MORC3: variants seen among roughly 807,000 people sequenced by gnomAD.
MORC3 encodes the protein MORC family CW-type zinc finger 3.
A neutral mutation model predicts 109.1 loss-of-function variants in MORC3; 31 were observed. The ratio of observed to expected loss-of-function variants is 0.28; its 90% CI spans 0.21 to 0.38. MORC3 has a LOEUF of 0.38. Among genes scored for constraint, MORC3 ranks in the 10% least tolerant of loss-of-function variants. MORC3 has a pLI of 1.00. For synonymous variants in MORC3, 395 were observed against 380.7 expected, an observed-to-expected ratio of 1.04 and a Z score of -0.44; for missense variants, 867 against 1,135.8, an observed-to-expected ratio of 0.76 and a Z score of 3.40.
At chr21:36,354,784 T>C (rs1467879854) in intron 9 of MORC3, among the ~76,000 whole-genome samples, 1 of 152,240 alleles carries the variant, frequency 6.6e-6, no homozygotes, top group African/African-American at 2.4e-5. Context: ...GCACTGCTTC[T>C]TCTGTCTTCT....
chr21:36,320,470 T>C, intron 1 of MORC3, 167 bp downstream of exon 1: 1 of 578,934 alleles, frequency 1.7e-6, no homozygotes, highest in Non-Finnish European at 2.5e-6. Flanking sequence ...GCGGAACAGC[T>C]CGGCTGCGGG....
intron 6 of MORC3, 50 bp from the exon 7 acceptor site, chr21:36,344,529 A>G (rs920050457): frequency 3.2e-6 from 5 of 1,581,098 alleles, no homozygotes; most frequent in Non-Finnish European, 3.4e-6. Context: ...ATGTCTAAGT[A>G]ATGGTGAGCA....
At chr21:36,370,168 AC>A (rs775786427) in intron 15 of MORC3, among the ~76,000 whole-genome samples, 16 of 152,164 alleles carry the variant, frequency 1.1e-4, no homozygotes, top group Non-Finnish European at 2.1e-4. Flanking sequence ...AGATTGCACC[AC>A]CACATTCCAG....
At chr21:36,364,406 T>C (rs2085754821) in intron 14 of MORC3, 147 bp downstream of exon 14, 1 of 933,710 alleles carries the variant, frequency 1.1e-6, no homozygotes, top group Non-Finnish European at 1.6e-6. Context: ...CAGGACAAAT[T>C]GTCTTGCTTT....
intron 1 of MORC3, among the ~76,000 whole-genome samples, chr21:36,333,187 G>A (rs1387721173): frequency 6.6e-6 from 1 of 152,168 alleles, no homozygotes; most frequent in East Asian, 1.9e-4. Flanking sequence ...AAATAATGAA[G>A]TCACAGTGCC....
intron 9 of MORC3, among the ~76,000 whole-genome samples, chr21:36,352,221 C>T (rs565066095): frequency 1.3e-5 from 2 of 152,192 alleles, no homozygotes; most frequent in Non-Finnish European, 2.9e-5. Context: ...GGAACACCTA[C>T]AAAAACTGTG....
In MORC3 at chr21:36,369,236, G is replaced by A; in HGVS notation, c.1868G>A (p.Gly623Asp). 6.2e-7 allele frequency: 1 copy of A among 1,614,142 alleles called. No homozygotes were observed. The highest frequency in any genetic ancestry group is 8.5e-7 in the Non-Finnish European group (1 of 1,180,040). ...VGDSEPCGQTGSTSTSSSRCD... is the reference protein window; with the variant it reads ...VGDSEPCGQTDSTSTSSSRCD... ...GACAGTGAACCTTGTGGCCAGACTG[G>A]TTCAACAAGCACCTCATCATCCCGA... is the stretch of plus-strand genomic sequence containing the variant. The change falls in exon 15 of 17, where the codon GGT (glycine) becomes GAT (aspartate). Residue 623 changes from glycine to aspartate, a missense_variant. Transcript: ENST00000400485.
chr21:36,328,799 CT>C (rs1201329155), intron 1 of MORC3, among the ~76,000 whole-genome samples: 6 of 151,166 alleles, frequency 4.0e-5, no homozygotes, highest in Non-Finnish European at 8.8e-5. Context: ...TACATTGTAT[CT>C]TTTAGCTTCC....
chr21:36,336,869 C>T lies in MORC3; in HGVS notation c.113-5C>T. 1 of 1,592,404 alleles carries T rather than the reference C, an allele frequency of 6.3e-7. No individual in the cohort carries two copies. Among genetic ancestry groups the T allele is most frequent in the Non-Finnish European group, 8.5e-7 (1 of 1,169,784 alleles). On this transcript the variant is annotated splice_region_variant and splice_polypyrimidine_tract_variant and intron_variant, in intron 2 of 16. Coordinates refer to ENST00000400485, the MANE Select transcript of MORC3 (RefSeq NM_015358.3). ...TCAGAATTTCTTCAAACTTGTGTTT[C>T]CCAGATAATGCTTATGATCCTGATG...
At chr21:36,347,007 TA>T (rs754081259) in intron 8 of MORC3, among the ~76,000 whole-genome samples, 10,923 of 113,646 alleles carry the variant, frequency 0.096, 859 homozygotes, top group African/African-American at 0.25. Context: ...CCCTGTCTCT[TA>T]AAAAAAAAAA....
intron 1 of MORC3, among the ~76,000 whole-genome samples, chr21:36,325,664 A>C (rs1285095527): frequency 6.6e-6 from 1 of 152,214 alleles, no homozygotes; most frequent in Non-Finnish European, 1.5e-5. Flanking sequence ...TGACTACGGT[A>C]GTCCCCCCTT....
intron 9 of MORC3, among the ~76,000 whole-genome samples, chr21:36,354,039 C>T (rs2085611020): frequency 6.6e-6 from 1 of 150,972 alleles, no homozygotes; most frequent in Non-Finnish European, 1.5e-5. Context: ...CCATTGCACC[C>T]TAGACTGGGT....
At chr21:36,363,717 C>T (rs1403691193) in intron 13 of MORC3, among the ~76,000 whole-genome samples, 1 of 152,180 alleles carries the variant, frequency 6.6e-6, no homozygotes, top group Non-Finnish European at 1.5e-5. Context: ...AATCAGGGGC[C>T]ATCTGAATGC....
intron 6 of MORC3, among the ~76,000 whole-genome samples, 188 bp downstream of exon 6, chr21:36,341,734 A>C (rs929318543): frequency 6.6e-6 from 1 of 152,124 alleles, no homozygotes; most frequent in African/African-American, 2.4e-5. Flanking sequence ...CACACACACA[A>C]ATTTAGTTAA....
chr21:36,363,934 G>T (rs542829324), intron 13 of MORC3, among the ~76,000 whole-genome samples, 159 bp from the exon 14 acceptor site: 1 of 152,270 alleles, frequency 6.6e-6, no homozygotes, highest in African/African-American at 2.4e-5. Context: ...TAGTTCATTG[G>T]TTTACTTGTT....
At chr21:36,361,855 C>G in intron 12 of MORC3, 1 of 271,664 alleles carries the variant, frequency 3.7e-6, no homozygotes. Context: ...TCACTGCACT[C>G]CATCCTGGGC....
intron 15 of MORC3, among the ~76,000 whole-genome samples, chr21:36,370,637 ATATTTTTTTTTTTTTT>A (rs2085851250): frequency 4.9e-4 from 14 of 28,676 alleles, no homozygotes; most frequent in East Asian, 1.6e-3. Flanking sequence ...ATATATATAT[ATATTTTTTTTTTTTTT>A]TTTTTTTTTT....
chr21:36,321,262 C>T (rs1273115369), intron 1 of MORC3, among the ~76,000 whole-genome samples: 1 of 152,150 alleles, frequency 6.6e-6, no homozygotes, highest in Non-Finnish European at 1.5e-5. Flanking sequence ...TTTTTCTAGT[C>T]CGATATTTGT....
At chr21:36,349,539 T>TG in intron 9 of MORC3, 131 bp downstream of exon 9, 1 of 522,936 alleles carries the variant, frequency 1.9e-6, no homozygotes, top group South Asian at 3.7e-5. Flanking sequence ...ATACTACTTG[T>TG]GATGGTGTAG....
Sources: gnomAD v4.1 joint callset for allele counts (sites outside exome capture counted in the v4.1 genomes callset) on GRCh38, gnomAD v4.1.1 for gene constraint, MANE v1.5 for transcripts, NCBI Gene and HGNC (gene_info 2026-07-23, HGNC 2026-07-21) for gene names.